Variants in CDC73 observed in about 807,000 individuals in gnomAD.
CDC73 encodes the protein parafibromin.
In CDC73, 21 loss-of-function variants were observed where a neutral mutation model predicts 83.7. The observed-to-expected ratio is 0.25, with a 90% CI of 0.18 to 0.36. The LOEUF (loss-of-function observed/expected upper bound fraction) is 0.36, where lower values mean the gene tolerates loss of function less well. CDC73 is among the 10% of genes least tolerant of loss of function. The pLI is 1.00. For missense variants in CDC73, 342 were observed against 653.3 expected, an observed-to-expected ratio of 0.52 and a Z score of 5.19; for synonymous variants, 224 against 212.9, an observed-to-expected ratio of 1.05 and a Z score of -0.45.
chr1:193,134,157 C>A (rs1331317267), intron 3 of CDC73, among the ~76,000 whole-genome samples: 1 of 151,866 alleles, frequency 6.6e-6, no homozygotes, highest in African/African-American at 2.4e-5. Flanking sequence ...CTAAAAATTA[C>A]ATGTGTAGGG....
At chr1:193,230,471 T>A (rs1436905512) in intron 13 of CDC73, among the ~76,000 whole-genome samples, 1 of 146,550 alleles carries the variant, frequency 6.8e-6, no homozygotes, top group East Asian at 2.0e-4. Context: ...TTTTTTTTTT[T>A]TTTTTTTTTT....
In CDC73 at chr1:193,147,911, C is replaced by T. The variant is rs1161574170; in HGVS notation, c.774C>T (p.Ala258=). 5 of 1,613,432 alleles carry T rather than the reference C, an allele frequency of 3.1e-6. No homozygotes were observed. Among genetic ancestry groups the T allele is most frequent in the Non-Finnish European group, 4.2e-6 (5 of 1,179,446 alleles). ...NIFAILQSVK[A]REEGRAPEQR... ...TTGCAATTCTTCAATCTGTAAAAGCCAGAGAAGAAGGGCGTGCACCTGAAC... is the reference window on the plus strand; with the variant it reads ...TTGCAATTCTTCAATCTGTAAAAGCTAGAGAAGAAGGGCGTGCACCTGAAC... Residue 258 remains alanine (A), a synonymous_variant, in exon 8 of 17, where the codon GCC becomes GCT. Coordinates refer to ENST00000367435, the MANE Select transcript of CDC73 (RefSeq NM_024529.5).
rs1553287534 is a variant in CDC73, at chr1:193,205,199, C to CCT, written c.1030+1348_1030+1349insTC. 6.4e-5 allele frequency among the ~76,000 whole-genome samples: 7 copies of CCT among 109,428 alleles called. No homozygotes were observed. The East Asian group carries it at 1.8e-3, about 28-fold the overall frequency. 71.8% of individuals were successfully genotyped at this position (109,428 alleles called of 152,430 possible). On this transcript the variant is annotated intron_variant, in intron 11 of 16. Transcript: ENST00000367435. ...AGTGCTAGGCTATACCACCTGTCCC[C>CCT]CCCCCCCCCTTTTTTTTTAAACTCA... is the stretch of plus-strand genomic sequence containing the variant.
intron 10 of CDC73, among the ~76,000 whole-genome samples, chr1:193,157,287 G>A (rs1676224465): frequency 6.6e-6 from 1 of 152,134 alleles, no homozygotes; most frequent in South Asian, 2.1e-4. Context: ...AATGTTAGTG[G>A]ATTATTACAT....
At chr1:193,181,660 A>G (rs1397080529) in intron 10 of CDC73, 1 of 1,142,246 alleles carries the variant, frequency 8.8e-7, no homozygotes, top group African/African-American at 1.6e-5. Context: ...TAATTCAGTC[A>G]CATTGTCTCT....
At chr1:193,162,356 A>T (rs1203824115) in intron 10 of CDC73, among the ~76,000 whole-genome samples, 1 of 139,124 alleles carries the variant, frequency 7.2e-6, no homozygotes. Context: ...ATACATATAT[A>T]TTATATATAG....
rs574791162 is a variant in CDC73, at chr1:193,239,275, A to G, written c.1417+2919A>G. ...TTGCCTAAGCCAGAAACTTGGGAGT[A>G]TATTATCTTAGCTCTTGGTTGATCT... is the stretch of plus-strand genomic sequence containing the variant. On this transcript the variant is annotated intron_variant, in intron 15 of 16. Transcript: ENST00000367435. 3.9e-5 allele frequency among the ~76,000 whole-genome samples: 6 copies of G among 152,218 alleles called. No individual in the cohort carries two copies. The East Asian group carries it at 9.6e-4, about 24-fold the overall frequency.
rs541070505 is a variant in CDC73 at position 193,166,167 on chromosome 1, TTTTC to T, written c.972+13735_972+13738del. 1.5e-3 allele frequency among the ~76,000 whole-genome samples: 228 copies of T among 152,242 alleles called. 1 individual carries two copies. The highest frequency in any genetic ancestry group is 5.3e-3 in the African/African-American group (221 of 41,544). On this transcript the variant is annotated intron_variant, in intron 10 of 16. Transcript: ENST00000367435. ...GTTTGTATAGTTTAAGTGCATTTTT[TTTTC>T]TTTCTTTCTTTTTGGAAACAGGGTC...
intron 14 of CDC73, among the ~76,000 whole-genome samples, chr1:193,233,689 GT>G (rs1677700385): frequency 2.0e-5 from 3 of 152,182 alleles, no homozygotes; most frequent in Admixed American, 2.0e-4. Flanking sequence ...GGTATTCTAT[GT>G]TTAGATTTTT....
At position 193,130,224 on chromosome 1, in the gene CDC73, A is replaced by C; in HGVS notation, c.288A>C (p.Gly96=). The change falls in exon 3 of 17, where the codon GGA becomes GGC. Residue 96 remains glycine, a synonymous_variant. Coordinates refer to ENST00000367435, the MANE Select transcript of CDC73 (RefSeq NM_024529.5). ...VRRPDRKDLL[G]YLNGEASTSA... The stretch of plus-strand genomic sequence containing the variant: ...GACCTGATCGAAAAGATCTACTTGG[A>C]TATCTCAATGGTGAAGCGTGTGAGT... 6.2e-7 allele frequency: 1 copy of C among 1,603,122 alleles called. No individual in the cohort carries two copies. The highest frequency in any genetic ancestry group is 1.1e-5 in the South Asian group (1 of 90,908).
intron 10 of CDC73, among the ~76,000 whole-genome samples, chr1:193,173,802 T>C (rs1251479959): frequency 6.6e-6 from 1 of 152,188 alleles, no homozygotes; most frequent in Non-Finnish European, 1.5e-5. Flanking sequence ...AAAAACACAT[T>C]TATGACATGA....
chr1:193,227,012 T>C (rs1006938314), intron 13 of CDC73, among the ~76,000 whole-genome samples: 1 of 152,092 alleles, frequency 6.6e-6, no homozygotes, highest in Non-Finnish European at 1.5e-5. Flanking sequence ...TTGGTCTGTT[T>C]AGGGTATCCA....
rs909578765 is a variant in CDC73, at chr1:193,150,351, A to G, written c.876A>G (p.Arg292=). The G allele has an allele frequency of 1.4e-5, 22 of 1,613,284 alleles. No homozygotes were observed. In the African/African-American group the frequency reaches 1.7e-4, roughly 13 times the overall value. ...TKQPIPAAYN[R]YDQERFKGKE... Reference sequence around the variant, plus strand: ...AGCCTATCCCAGCTGCCTATAACAGATACGATCAGGAAAGATTCAAAGGAA... The same window carrying G: ...AGCCTATCCCAGCTGCCTATAACAGGTACGATCAGGAAAGATTCAAAGGAA... Residue 292 remains arginine, a synonymous_variant, in exon 9 of 17, where the codon AGA becomes AGG. Coordinates refer to ENST00000367435, the MANE Select transcript of CDC73 (RefSeq NM_024529.5).
In CDC73 at chr1:193,249,875, A is replaced by G. The variant is rs1001095861; in HGVS notation, c.1559+4A>G. On this transcript the variant is annotated splice_donor_region_variant and intron_variant, in intron 16 of 16. Coordinates refer to ENST00000367435, the MANE Select transcript of CDC73 (RefSeq NM_024529.5). ...GGTTTTGGGAAACATTGGACAGGTA[A>G]TTCCGATTCTAAAATATGCTTGTGT... 1.2e-6 allele frequency: 2 copies of G among 1,611,926 alleles called. No homozygotes were observed. Among genetic ancestry groups the G allele is most frequent in the Non-Finnish European group, 1.7e-6 (2 of 1,178,468 alleles).
chr1:193,222,125 A>G (rs1242312220), intron 13 of CDC73, among the ~76,000 whole-genome samples: 1 of 152,232 alleles, frequency 6.6e-6, no homozygotes, highest in African/African-American at 2.4e-5. Context: ...TACACTTTAC[A>G]TCTATAAACA....
rs1678038487 is a variant in CDC73, at chr1:193,251,218, T to A, written c.*506T>A. The A allele has an allele frequency of 4.3e-6, 1 of 232,334 alleles. No individual in the cohort carries two copies. 14.4% of individuals were successfully genotyped at this position (232,334 alleles called of 1,614,324 possible). A position where few individuals can be genotyped will look rare whatever the true frequency, so the allele number is the denominator to read the frequency against. ...CACTATATCTACACTTACTCATTATTTAAAAAGAATAATGAAAAATCTAGA... is the reference window on the plus strand; with the variant it reads ...CACTATATCTACACTTACTCATTATATAAAAAGAATAATGAAAAATCTAGA... On this transcript the variant is annotated 3_prime_UTR_variant, in exon 17 of 17. Transcript: ENST00000367435.
At chr1:193,145,882 T>G (rs1675991709) in intron 7 of CDC73, among the ~76,000 whole-genome samples, 1 of 152,196 alleles carries the variant, frequency 6.6e-6, no homozygotes, top group Non-Finnish European at 1.5e-5. Flanking sequence ...TGACCAGAGG[T>G]GCATTGGTCC....
chr1:193,231,031 T>G (rs1384248878), intron 13 of CDC73, among the ~76,000 whole-genome samples: 1 of 152,210 alleles, frequency 6.6e-6, no homozygotes, highest in Non-Finnish European at 1.5e-5. Flanking sequence ...TCTGAGCTTT[T>G]ATAAAACATA....
chr1:193,251,605 A>C lies in CDC73; in HGVS notation c.*893A>C, dbSNP rs1678043663. The C allele has an allele frequency of 4.3e-6, 1 of 232,174 alleles. No individual in the cohort carries two copies. Among genetic ancestry groups the C allele is most frequent in the Non-Finnish European group, 8.5e-6 (1 of 117,072 alleles). The allele number at this position is 232,174 out of a possible 1,614,324, so 14.4% of individuals were successfully genotyped here. ...TAGGCTTGTCAGTCTTGGAGTTCTTATCTTCCATTATCCCTAAATATTGAT... is the reference window on the plus strand; with the variant it reads ...TAGGCTTGTCAGTCTTGGAGTTCTTCTCTTCCATTATCCCTAAATATTGAT... On this transcript the variant is annotated 3_prime_UTR_variant, in exon 17 of 17. Coordinates refer to ENST00000367435, the MANE Select transcript of CDC73 (RefSeq NM_024529.5).
Sources: gnomAD v4.1 joint callset for allele counts (sites outside exome capture counted in the v4.1 genomes callset) on GRCh38, gnomAD v4.1.1 for gene constraint, MANE v1.5 for transcripts, NCBI Gene and HGNC (gene_info 2026-07-23, HGNC 2026-07-21) for gene names.